The following PRICKLE2 variants were observed in gnomAD, a reference collection of about 807,000 sequenced individuals.
PRICKLE2 encodes prickle planar cell polarity protein 2.
A neutral mutation model predicts 81.4 loss-of-function variants in PRICKLE2; 21 were observed. That is an observed-to-expected ratio of 0.26 (90% CI 0.18 to 0.37). The LOEUF (loss-of-function observed/expected upper bound fraction) is 0.37. Ranked by LOEUF, PRICKLE2 falls within the 10% of genes least tolerant of loss-of-function variation. The probability of loss-of-function intolerance (pLI) is 1.00; values close to 1 mark genes in which losing one functional copy is unlikely to be tolerated. For synonymous variants in PRICKLE2, 456 were observed against 421.5 expected (o/e 1.08, Z -1.00); for missense variants, 940 against 1,109.0 (o/e 0.85, Z 2.16).
intron 2 of PRICKLE2, among the ~76,000 whole-genome samples, chr3:64,183,089 A>G (rs1437236571): frequency 2.0e-5 from 3 of 152,058 alleles, no homozygotes; most frequent in Non-Finnish European, 2.9e-5. Flanking sequence ...ACTTAAAACC[A>G]TAAGAAAAGG....
chr3:64,143,800 G>A (rs2077401083), intron 7 of PRICKLE2, among the ~76,000 whole-genome samples: 1 of 152,236 alleles, frequency 6.6e-6, no homozygotes, highest in South Asian at 2.1e-4. Context: ...AGAGGCTGAA[G>A]TATATATTTA....
intron 1 of PRICKLE2, among the ~76,000 whole-genome samples, chr3:64,208,366 T>C (rs1160171249): frequency 2.0e-5 from 3 of 152,198 alleles, no homozygotes; most frequent in East Asian, 1.9e-4. Context: ...GTATGGATCA[T>C]GTGACCCCCA....
chr3:64,157,282 G>A lies in PRICKLE2; in HGVS notation c.480C>T (p.Phe160=), dbSNP rs761061214. ...GHGVCWHPPC[F]VCTVCNELLV... ...GGAGCTCATTGCAGACAGTGCATAC[G>A]AAGCACGGCGGGTGCCAGCAAACGC... Residue 160 remains phenylalanine (F), a synonymous_variant, in exon 5 of 8, where the codon TTC becomes TTT. Coordinates refer to ENST00000638394, the MANE Select transcript of PRICKLE2 (RefSeq NM_198859.4). 20 of 1,614,196 alleles carry A rather than the reference G, an allele frequency of 1.2e-5. No individual in the cohort carries two copies. In the East Asian group the frequency reaches 2.2e-4, roughly 18 times the overall value.
At chr3:64,179,668 A>AT (rs775836859) in intron 2 of PRICKLE2, among the ~76,000 whole-genome samples, 1 of 152,164 alleles carries the variant, frequency 6.6e-6, no homozygotes, top group East Asian at 1.9e-4. Context: ...GCAAATATTG[A>AT]TTTTCAGGGT....
intron 7 of PRICKLE2, among the ~76,000 whole-genome samples, chr3:64,142,368 T>A (rs868043666): frequency 1.4e-5 from 2 of 148,020 alleles, no homozygotes; most frequent in South Asian, 4.3e-4. Flanking sequence ...TGGGGTGCAG[T>A]GGTGTGATCC....
In PRICKLE2 at chr3:64,209,736, C is replaced by T. The variant is rs115073408; in HGVS notation, c.-40-10769G>A. 1.1e-3 allele frequency among the ~76,000 whole-genome samples: 166 copies of T among 152,322 alleles called. 1 individual carries two copies. Among genetic ancestry groups the T allele is most frequent in the African/African-American group, 3.8e-3 (156 of 41,564 alleles). On this transcript the variant is annotated intron_variant, in intron 1 of 7. Transcript: ENST00000638394. ...TTAAGACAGACAACATGCCTGCCTT[C>T]GTGGAGCTTTGAACCAAGTGAGGAA... is the stretch of plus-strand genomic sequence containing the variant.
At chr3:64,172,920 T>C (rs1227106018) in intron 2 of PRICKLE2, among the ~76,000 whole-genome samples, 1 of 152,188 alleles carries the variant, frequency 6.6e-6, no homozygotes, top group Non-Finnish European at 1.5e-5. Context: ...AAATCAACCC[T>C]GCTGACATCT....
rs928864366 is a variant in PRICKLE2, at chr3:64,099,276, G to A, written c.2310C>T (p.Ala770=). 1 of 1,614,158 alleles carries A rather than the reference G, an allele frequency of 6.2e-7. No individual in the cohort carries two copies. The highest frequency in any genetic ancestry group is 8.5e-7 in the Non-Finnish European group (1 of 1,180,038). ...AFGDRWGPYF[A]EYDWCSTCSS... ...AGCAGGTGGAACACCAATCATACTCGGCGAAGTAGGGTCCCCAGCGGTCCC... is the reference window on the plus strand; with the variant it reads ...AGCAGGTGGAACACCAATCATACTCAGCGAAGTAGGGTCCCCAGCGGTCCC... Residue 770 remains alanine (A), a synonymous_variant, in exon 8 of 8, where the codon GCC becomes GCT. Transcript: ENST00000638394. This position sits in a 1 kb window ranked among gnomAD's most constrained non-coding sequence, Gnocchi z 4.3.
chr3:64,151,684 C>T (rs1339932428), intron 6 of PRICKLE2, among the ~76,000 whole-genome samples: 1 of 152,212 alleles, frequency 6.6e-6, no homozygotes, highest in Non-Finnish European at 1.5e-5. Context: ...AATACTGAGT[C>T]AAGACATTGC....
chr3:64,146,709 C>T (rs574872611), intron 7 of PRICKLE2, 121 bp downstream of exon 7: 1 of 1,148,768 alleles, frequency 8.7e-7, no homozygotes, highest in African/African-American at 1.5e-5. Flanking sequence ...TGCCACTGCA[C>T]TCCAGCCTGG....
chr3:64,133,601 G>C lies in PRICKLE2; in HGVS notation c.1660+13229C>G, dbSNP rs113185388. Among the ~76,000 whole-genome samples, 726 of 152,188 alleles carry C rather than the reference G, an allele frequency of 4.8e-3. 2 individuals are homozygous for C. Among genetic ancestry groups the C allele is most frequent in the Non-Finnish European group, 7.8e-3 (528 of 68,012 alleles). On this transcript the variant is annotated intron_variant, in intron 7 of 7. Coordinates refer to ENST00000638394, the MANE Select transcript of PRICKLE2 (RefSeq NM_198859.4). ...ATTGATACTGGGGTGGGGGGCCAGGGGGATCAGTGCAGGAAGGCTGAGCTC... is the reference window on the plus strand; with the variant it reads ...ATTGATACTGGGGTGGGGGGCCAGGCGGATCAGTGCAGGAAGGCTGAGCTC...
chr3:64,167,351 A>G (rs532568837), intron 2 of PRICKLE2, among the ~76,000 whole-genome samples: 30 of 152,354 alleles, frequency 2.0e-4, no homozygotes, highest in African/African-American at 6.5e-4. Flanking sequence ...ACTTTGCTCC[A>G]TTTAGACATT....
intron 7 of PRICKLE2, among the ~76,000 whole-genome samples, chr3:64,142,934 A>C (rs903708299): frequency 5.3e-5 from 8 of 152,186 alleles, no homozygotes. Flanking sequence ...GTTCAAGGCC[A>C]CACAACTCCT....
At chr3:64,152,369 A>G (rs1386075364) in intron 6 of PRICKLE2, among the ~76,000 whole-genome samples, 1 of 152,186 alleles carries the variant, frequency 6.6e-6, no homozygotes, top group Admixed American at 6.5e-5. Flanking sequence ...AGAAAAGGCA[A>G]GTTGAATGAA....
intron 2 of PRICKLE2, among the ~76,000 whole-genome samples, chr3:64,186,889 G>T (rs908785699): frequency 6.6e-6 from 1 of 152,210 alleles, no homozygotes; most frequent in Non-Finnish European, 1.5e-5. Context: ...CCAGGCTACA[G>T]TGTAGACTGC....
At position 64,196,828 on chromosome 3, in the gene PRICKLE2, G is replaced by A. The variant is rs111558208; in HGVS notation, c.144+1956C>T. ...ATTCGGTATAATCAAGTTTTGTTTT[G>A]TCTAAAAGGAATGGCCATCACTCAA... On this transcript the variant is annotated intron_variant, in intron 2 of 7. Transcript: ENST00000638394. 2.2e-3 allele frequency among the ~76,000 whole-genome samples: 329 copies of A among 152,192 alleles called. 1 individual carries two copies. Among genetic ancestry groups the A allele is most frequent in the Non-Finnish European group, 3.8e-3 (256 of 67,992 alleles).
At chr3:64,160,320 G>A (rs879646028) in intron 3 of PRICKLE2, among the ~76,000 whole-genome samples, 3 of 152,156 alleles carry the variant, frequency 2.0e-5, no homozygotes, top group Admixed American at 1.3e-4. Flanking sequence ...CCCAAGCCTT[G>A]GGCAGGCTAA....
At chr3:64,184,304 C>T (rs766810935) in intron 2 of PRICKLE2, among the ~76,000 whole-genome samples, 5 of 152,170 alleles carry the variant, frequency 3.3e-5, no homozygotes, top group Admixed American at 1.3e-4. Flanking sequence ...GGTAAAACAA[C>T]TTGCTCCAAT....
At chr3:64,243,437 C>T (rs80309313) in intron 2 of PRICKLE2, among the ~76,000 whole-genome samples, 2 of 152,272 alleles carry the variant, frequency 1.3e-5, no homozygotes, top group Middle Eastern at 3.4e-3. Flanking sequence ...AAAATTGCCC[C>T]CCTTGGGAAC....
Sources: gnomAD v4.1 joint callset for allele counts (sites outside exome capture counted in the v4.1 genomes callset) on GRCh38, gnomAD v4.1.1 for gene constraint, Gnocchi (gnomAD v3.1) non-coding constraint, MANE v1.5 for transcripts, NCBI Gene and HGNC (gene_info 2026-07-23, HGNC 2026-07-21) for gene names.